Variants in MAGI2 observed in about 807,000 individuals in gnomAD.
MAGI2 encodes membrane-associated guanylate kinase, WW and PDZ domain-containing protein 2.
In MAGI2, 35 loss-of-function variants were observed where a neutral mutation model predicts 133.3. The observed-to-expected ratio is 0.26, with a 90% CI of 0.20 to 0.35. The LOEUF is 0.35. Among genes scored for constraint, MAGI2 ranks in the 10% least tolerant of loss-of-function variants. MAGI2 has a pLI of 1.00. For missense variants in MAGI2, 1,636 were observed against 1,863.4 expected (o/e 0.88, Z 2.25); for synonymous variants, 729 against 710.6 (o/e 1.03, Z -0.41).
At chr7:78,709,116 GATT>G (rs1287322049) in intron 2 of MAGI2, among the ~76,000 whole-genome samples, 2 of 151,946 alleles carry the variant, frequency 1.3e-5, no homozygotes, top group African/African-American at 4.8e-5. Context: ...ACATAAATCT[GATT>G]ATATTACTAC....
chr7:79,098,011 A>G (rs1817663029), intron 1 of MAGI2, among the ~76,000 whole-genome samples: 1 of 152,154 alleles, frequency 6.6e-6, no homozygotes, highest in African/African-American at 2.4e-5. Context: ...ACTCCCAGCT[A>G]CTTGGGAGGC....
chr7:78,249,921 T>C (rs1207498898), intron 10 of MAGI2, among the ~76,000 whole-genome samples: 1 of 152,104 alleles, frequency 6.6e-6, no homozygotes, highest in African/African-American at 2.4e-5. Context: ...TTGATACTTA[T>C]ACAGCATATA....
intron 6 of MAGI2, among the ~76,000 whole-genome samples, chr7:78,421,288 T>C (rs571558798): frequency 6.6e-6 from 1 of 152,182 alleles, no homozygotes; most frequent in East Asian, 1.9e-4. Flanking sequence ...TGTAACTCAC[T>C]TACTGGGGTA....
chr7:78,241,777 A>G (rs1233557960), intron 10 of MAGI2, among the ~76,000 whole-genome samples: 1 of 151,560 alleles, frequency 6.6e-6, no homozygotes, highest in African/African-American at 2.4e-5. Flanking sequence ...TACTACTAAT[A>G]AAAAAAATTA....
chr7:78,452,685 G>A (rs531556900), intron 6 of MAGI2, among the ~76,000 whole-genome samples: 2 of 151,476 alleles, frequency 1.3e-5, no homozygotes, highest in East Asian at 3.9e-4. Flanking sequence ...GAAATATAGA[G>A]AAAAATTCAG....
intron 1 of MAGI2, among the ~76,000 whole-genome samples, chr7:79,106,348 A>ATGTATGTTT (rs1371433872): frequency 6.6e-6 from 1 of 150,994 alleles, no homozygotes; most frequent in Non-Finnish European, 1.5e-5. Context: ...ATTTTTGTGC[A>ATGTATGTTT]TGTATGTTTG....
intron 2 of MAGI2, among the ~76,000 whole-genome samples, chr7:78,858,517 G>A (rs1011208763): frequency 6.6e-6 from 1 of 152,202 alleles, no homozygotes; most frequent in African/African-American, 2.4e-5. Context: ...GCACCCAGTA[G>A]TTATTCAGGA....
intron 1 of MAGI2, among the ~76,000 whole-genome samples, chr7:79,265,606 T>C (rs1160119411): frequency 6.6e-6 from 1 of 152,168 alleles, no homozygotes; most frequent in Non-Finnish European, 1.5e-5. Context: ...ATATGTACCA[T>C]AACAATACAA....
Position 78,659,313 on chromosome 7 carries a change from T to C in MAGI2, c.419-32074A>G, listed in dbSNP as rs570453215. On this transcript the variant is annotated intron_variant, in intron 2 of 21. Transcript: ENST00000354212. ...AAAATACAAAAATTTTAGCTGGGTG[T>C]GGTGGTGTGCACTTGTAGTCCCAGC... is the stretch of plus-strand genomic sequence containing the variant. 1.9e-3 allele frequency among the ~76,000 whole-genome samples: 278 copies of C among 146,378 alleles called. 1 individual carries two copies. The highest frequency in any genetic ancestry group is 2.1e-3 in the Non-Finnish European group (140 of 67,156).
chr7:78,263,863 A>G (rs1311317670), intron 9 of MAGI2, among the ~76,000 whole-genome samples: 1 of 151,410 alleles, frequency 6.6e-6, no homozygotes, highest in Non-Finnish European at 1.5e-5. Context: ...TTTCCAACCT[A>G]CTCTATGCTT....
At chr7:78,479,694 T>A (rs1468745531) in intron 6 of MAGI2, among the ~76,000 whole-genome samples, 1 of 151,946 alleles carries the variant, frequency 6.6e-6, no homozygotes, top group Non-Finnish European at 1.5e-5. Flanking sequence ...AAAAATGGTC[T>A]GTATAATGAA....
intron 1 of MAGI2, among the ~76,000 whole-genome samples, chr7:79,425,750 G>A (rs1234924718): frequency 6.6e-6 from 1 of 151,658 alleles, no homozygotes; most frequent in African/African-American, 2.4e-5. Flanking sequence ...GTTTACGAGT[G>A]ACACATACAG....
At chr7:78,435,530 C>A (rs761549796) in intron 6 of MAGI2, among the ~76,000 whole-genome samples, 14 of 152,128 alleles carry the variant, frequency 9.2e-5, no homozygotes, top group Non-Finnish European at 1.8e-4. Context: ...ACTTTTACAA[C>A]TCCATAAGCC....
intron 2 of MAGI2, among the ~76,000 whole-genome samples, chr7:78,844,873 C>G (rs1792457856): frequency 6.6e-6 from 1 of 151,708 alleles, no homozygotes; most frequent in Admixed American, 6.6e-5. Flanking sequence ...CAATAAATAC[C>G]TGAGGTGGCT....
At chr7:78,817,933 A>G (rs1206489985) in intron 2 of MAGI2, among the ~76,000 whole-genome samples, 1 of 152,098 alleles carries the variant, frequency 6.6e-6, no homozygotes, top group African/African-American at 2.4e-5. Context: ...CTGGAAACAT[A>G]ACTTTTATAC....
At chr7:79,068,269 C>G (rs779993962) in intron 1 of MAGI2, among the ~76,000 whole-genome samples, 1 of 152,110 alleles carries the variant, frequency 6.6e-6, no homozygotes, top group Admixed American at 6.6e-5. Context: ...TTAAATATTG[C>G]CTTAATTTCA....
intron 21 of MAGI2, among the ~76,000 whole-genome samples, chr7:78,063,499 C>T (rs1439229267): frequency 1.3e-5 from 2 of 152,310 alleles, no homozygotes; most frequent in South Asian, 4.1e-4. Context: ...GCCTTGGCCT[C>T]CTAAAATGTT....
chr7:79,039,665 AAAT>A (rs1037707639), intron 1 of MAGI2, among the ~76,000 whole-genome samples: 24 of 151,616 alleles, frequency 1.6e-4, no homozygotes, highest in African/African-American at 5.6e-4. Context: ...TCAAAACTAA[AAAT>A]AATAATAATC....
At chr7:78,629,023 A>G (rs879031750) in intron 2 of MAGI2, among the ~76,000 whole-genome samples, 1 of 152,132 alleles carries the variant, frequency 6.6e-6, no homozygotes, top group Non-Finnish European at 1.5e-5. Flanking sequence ...CAGTATGGCA[A>G]TGCATTCCTA....
Sources: allele counts gnomAD v4.1 joint callset (sites outside exome capture counted in the v4.1 genomes callset), GRCh38; gene constraint gnomAD v4.1.1; transcripts MANE v1.5; gene names NCBI Gene and HGNC (gene_info 2026-07-23, HGNC 2026-07-21).